Variants in CFAP57 observed in about 807,000 individuals in gnomAD.
CFAP57 encodes cilia and flagella associated protein 57.
A neutral mutation model predicts 146.8 loss-of-function variants in CFAP57; 116 were observed. The observed-to-expected ratio is 0.79, with a 90% CI of 0.68 to 0.92. The LOEUF is 0.92. CFAP57 is among the 40% of genes least tolerant of loss of function. CFAP57 has a pLI of 0.00. For synonymous variants in CFAP57, 518 were observed against 552.8 expected, an observed-to-expected ratio of 0.94 and a Z score of 0.88; for missense variants, 1,377 against 1,527.2, an observed-to-expected ratio of 0.90 and a Z score of 1.64.
chr1:43,188,620 CTTT>C (rs1425819362), intron 6 of CFAP57, among the ~76,000 whole-genome samples: 1 of 152,046 alleles, frequency 6.6e-6, no homozygotes, highest in Non-Finnish European at 1.5e-5. Flanking sequence ...AGTCATATGT[CTTT>C]TTATTATTGA....
chr1:43,214,796 G>GT (rs1644770949), intron 11 of CFAP57, among the ~76,000 whole-genome samples: 1 of 152,090 alleles, frequency 6.6e-6, no homozygotes, highest in African/African-American at 2.4e-5. Context: ...TGTTGTCACT[G>GT]TTTTTTATTT....
At chr1:43,174,142 T>G (rs886699154) in intron 2 of CFAP57, among the ~76,000 whole-genome samples, 3 of 152,196 alleles carry the variant, frequency 2.0e-5, no homozygotes, top group African/African-American at 7.2e-5. Context: ...ACATGCACAA[T>G]TTATATATTC....
At chr1:43,178,087 G>A (rs1645242216) in intron 2 of CFAP57, among the ~76,000 whole-genome samples, 1 of 152,214 alleles carries the variant, frequency 6.6e-6, no homozygotes, top group Non-Finnish European at 1.5e-5. Context: ...CTAGCCATAT[G>A]TAGAAAGCTG....
intron 11 of CFAP57, 77 bp from the exon 12 acceptor site, chr1:43,215,178 C>T (rs971692394): frequency 1.3e-6 from 2 of 1,521,058 alleles, no homozygotes; most frequent in Non-Finnish European, 1.8e-6. Context: ...TGGGGGGAAG[C>T]CTTGCGCAAC....
intron 5 of CFAP57, among the ~76,000 whole-genome samples, chr1:43,186,428 G>A (rs1011459783): frequency 7.2e-5 from 11 of 151,874 alleles, no homozygotes; most frequent in Non-Finnish European, 1.0e-4. Flanking sequence ...TGGCTAACGC[G>A]GTGAAACCCT....
intron 5 of CFAP57, among the ~76,000 whole-genome samples, chr1:43,186,293 G>GTAAGCTAA (rs1314520581): frequency 1.3e-5 from 2 of 152,076 alleles, no homozygotes; most frequent in Non-Finnish European, 2.9e-5. Context: ...CTGGGAGTCT[G>GTAAGCTAA]TAAGCTAAAG....
intron 7 of CFAP57, 37 bp from the exon 8 acceptor site, chr1:43,198,444 G>T: frequency 6.2e-7 from 1 of 1,608,820 alleles, no homozygotes. Flanking sequence ...GATTTAGTGA[G>T]CTAAGCTTAC....
At chr1:43,209,094 C>A (rs925590778) in intron 10 of CFAP57, among the ~76,000 whole-genome samples, 2 of 152,104 alleles carry the variant, frequency 1.3e-5, no homozygotes, top group African/African-American at 4.8e-5. Context: ...TAAACCATAT[C>A]ATAGTTATGT....
At chr1:43,234,464 C>A in intron 20 of CFAP57, 31 bp from the exon 21 acceptor site, 1 of 1,543,370 alleles carries the variant, frequency 6.5e-7, no homozygotes, top group Non-Finnish European at 8.8e-7. Flanking sequence ...GGTCTCCTCT[C>A]CCTCACTGAG....
intron 22 of CFAP57, among the ~76,000 whole-genome samples, chr1:43,243,958 C>A (rs765966221): frequency 1.3e-5 from 2 of 152,140 alleles, no homozygotes; most frequent in African/African-American, 4.8e-5. Context: ...GAAATATGAT[C>A]GTTTATATCA....
chr1:43,182,524 A>G (rs1033764697), intron 3 of CFAP57, among the ~76,000 whole-genome samples: 2 of 152,208 alleles, frequency 1.3e-5, no homozygotes, highest in African/African-American at 4.8e-5. Flanking sequence ...TCAACTCACA[A>G]GATACTGATG....
At chr1:43,209,290 AATGCACCC>A (rs1055070957) in intron 10 of CFAP57, among the ~76,000 whole-genome samples, 18 of 152,200 alleles carry the variant, frequency 1.2e-4, no homozygotes, top group African/African-American at 3.9e-4. Context: ...CTCATTTTGA[AATGCACCC>A]ATGCATAGCA....
chr1:43,196,707 T>C (rs892590015), intron 6 of CFAP57, among the ~76,000 whole-genome samples: 4 of 152,222 alleles, frequency 2.6e-5, no homozygotes, highest in African/African-American at 9.6e-5. Flanking sequence ...GTAACCTACA[T>C]AACCAGTGCA....
intron 6 of CFAP57, among the ~76,000 whole-genome samples, chr1:43,194,200 C>T (rs975986647): frequency 2.0e-5 from 3 of 151,578 alleles, no homozygotes; most frequent in African/African-American, 7.3e-5. Context: ...ACCTTTAGTT[C>T]TAAAAGATAG....
intron 22 of CFAP57, among the ~76,000 whole-genome samples, chr1:43,249,134 T>A (rs1294225754): frequency 2.0e-5 from 3 of 150,910 alleles, no homozygotes; most frequent in Non-Finnish European, 4.4e-5. Flanking sequence ...GACCTTGTGA[T>A]CCACCCACCT....
intron 8 of CFAP57, among the ~76,000 whole-genome samples, chr1:43,198,997 A>G (rs1643990512): frequency 6.6e-6 from 1 of 152,250 alleles, no homozygotes; most frequent in Admixed American, 6.5e-5. Flanking sequence ...TTGGAGACGG[A>G]GGAGCCAGGG....
At chr1:43,236,911 C>CG (rs895677542) in intron 21 of CFAP57, among the ~76,000 whole-genome samples, 18 of 88,442 alleles carry the variant, frequency 2.0e-4, no homozygotes, top group South Asian at 4.9e-4. Flanking sequence ...TCCATCCCCC[C>CG]CCAAAAAAAA....
intron 20 of CFAP57, 26 bp from the exon 21 acceptor site, chr1:43,234,469 A>T (rs2483688): frequency 1.4e-5 from 21 of 1,542,112 alleles, no homozygotes; most frequent in Admixed American, 4.0e-5. Flanking sequence ...CCTCTCCCTC[A>T]CTGAGAATCT....
intron 14 of CFAP57, among the ~76,000 whole-genome samples, chr1:43,221,779 G>C (rs773119724): frequency 6.6e-6 from 1 of 152,134 alleles, no homozygotes; most frequent in Admixed American, 6.5e-5. Context: ...TAACCTTACC[G>C]AGCCTCACTT....
Sources: gnomAD v4.1 joint callset for allele counts (sites outside exome capture counted in the v4.1 genomes callset) on GRCh38, gnomAD v4.1.1 for gene constraint, MANE v1.5 for transcripts, NCBI Gene and HGNC (gene_info 2026-07-23, HGNC 2026-07-21) for gene names.